The following SLC10A6 variants were observed in gnomAD, a reference collection of about 807,000 sequenced individuals.
SLC10A6 encodes the protein sodium-dependent organic anion transporter.
SLC10A6 carries 27 observed loss-of-function variants against 30.0 expected under a neutral mutation model. The observed-to-expected ratio is 0.90, with a 90% confidence interval of 0.66 to 1.24. The LOEUF is 1.24. Among genes scored for constraint, SLC10A6 ranks in the 50% most tolerant of loss-of-function variants. SLC10A6 has a pLI of 0.00. For missense variants in SLC10A6, 439 were observed against 457.0 expected, an observed-to-expected ratio of 0.96 and a Z score of 0.36; for synonymous variants, 166 against 173.8, an observed-to-expected ratio of 0.95 and a Z score of 0.36.
intron 2 of SLC10A6, among the ~76,000 whole-genome samples, chr4:86,832,499 C>T (rs1326146259): frequency 2.0e-5 from 3 of 151,310 alleles, no homozygotes; most frequent in Admixed American, 6.6e-5. Flanking sequence ...ACCAGCTACT[C>T]GGAAGGCTGA....
chr4:86,837,225 G>GAGAGAAAGAAAGAA (rs1553899172), intron 1 of SLC10A6, among the ~76,000 whole-genome samples: 9 of 39,134 alleles, frequency 2.3e-4, no homozygotes, highest in Admixed American at 7.4e-4. Flanking sequence ...GAGAGAGAGA[G>GAGAGAAAGAAAGAA]AGAAAGAAAG....
intron 3 of SLC10A6, among the ~76,000 whole-genome samples, chr4:86,828,876 A>G (rs1746038283): frequency 6.6e-6 from 1 of 152,174 alleles, no homozygotes; most frequent in Non-Finnish European, 1.5e-5. Context: ...TATTTTGGGA[A>G]AATCAGGATC....
chr4:86,846,155 G>A (rs958215611), intron 1 of SLC10A6, among the ~76,000 whole-genome samples: 5 of 152,180 alleles, frequency 3.3e-5, no homozygotes, highest in African/African-American at 4.8e-5. Flanking sequence ...CAATTATGAA[G>A]AAATGTAATT....
chr4:86,833,509 A>G, intron 1 of SLC10A6, 85 bp from the exon 2 acceptor site: 1 of 948,198 alleles, frequency 1.1e-6, no homozygotes, highest in Admixed American at 1.8e-5. Context: ...CCTAGGACAC[A>G]ATTTCCTAGA....
Position 86,828,028 on chromosome 4 carries a change from A to G in SLC10A6, c.726T>C (p.Phe242=). The change falls in exon 4 of 6, where the codon TTT becomes TTC. Residue 242 remains phenylalanine (F), a synonymous_variant. Transcript: ENST00000273905. The part of the protein sequence containing the change: ...IFPLIGHVTG[F]LLALFTHQSW... The stretch of plus-strand genomic sequence containing the variant: ...ACTGGTGGGTAAAAAGTGCCAGCAG[A>G]AAACCCGTGACATGGCCAATCAAAG... 6.2e-7 allele frequency: 1 copy of G among 1,613,988 alleles called. No individual in the cohort carries two copies.
In SLC10A6 at chr4:86,833,337, C is replaced by G. The variant is rs1035846277; in HGVS notation, c.465G>C (p.Gln155His). 7 of 1,613,980 alleles carry G rather than the reference C, an allele frequency of 4.3e-6. No individual in the cohort carries two copies. Among genetic ancestry groups the G allele is most frequent in the Non-Finnish European group, 5.9e-6 (7 of 1,179,960 alleles). Residue 155 changes from glutamine to histidine, a missense_variant, in exon 2 of 6, where the codon CAG (glutamine) becomes CAC (histidine). Physicochemically the swap from Gln to His is conservative, Grantham distance 24. Coordinates refer to ENST00000273905, the MANE Select transcript of SLC10A6 (RefSeq NM_197965.3). ...TCTGATAAGGAATGGTGAGATTCTG[C>G]TGAAGACTCCAGGACCAGGTGTAGA... ...IYLYTWSWSL[Q>H]QNLTIPYQNI...
chr4:86,828,886 CT>C (rs1465387272), intron 3 of SLC10A6, among the ~76,000 whole-genome samples: 2 of 152,224 alleles, frequency 1.3e-5, no homozygotes, highest in Admixed American at 6.5e-5. Context: ...AAATCAGGAT[CT>C]TGGCAAGCTC....
Position 86,825,582 on chromosome 4 carries a change from CA to C in SLC10A6, c.762-6del, listed in dbSNP as rs1472006281. On this transcript the variant is annotated splice_polypyrimidine_tract_variant and splice_region_variant and intron_variant, in intron 4 of 5. Coordinates refer to ENST00000273905, the MANE Select transcript of SLC10A6 (RefSeq NM_197965.3). Reference sequence around the variant, plus strand: ...TCTAAGGAAATTGTCCTGCACCTACCAAAAAGAAAATGTTTCAAGAGTAACG... The same window carrying C: ...TCTAAGGAAATTGTCCTGCACCTACCAAAAGAAAATGTTTCAAGAGTAACG... 6.4e-7 allele frequency: 1 copy of C among 1,574,582 alleles called. No homozygotes were observed. The highest frequency in any genetic ancestry group is 8.7e-7 in the Non-Finnish European group (1 of 1,149,922).
chr4:86,849,241 G>T lies in SLC10A6; in HGVS notation c.-126C>A. 8.5e-7 allele frequency: 1 copy of T among 1,171,726 alleles called. No homozygotes were observed. The highest frequency in any genetic ancestry group is 1.2e-6 in the Non-Finnish European group (1 of 833,374). The allele number at this position is 1,171,726 out of a possible 1,614,324, so 72.6% of individuals were successfully genotyped here. On this transcript the variant is annotated 5_prime_UTR_variant, in exon 1 of 6. Transcript: ENST00000273905. ...TGGAGAATCATTCCAATAACTGTTG[G>T]CCAGCAAGGTGATTCATCCTAATCT...
intron 2 of SLC10A6, among the ~76,000 whole-genome samples, chr4:86,832,089 A>G (rs1035089909): frequency 6.6e-6 from 1 of 152,230 alleles, no homozygotes; most frequent in African/African-American, 2.4e-5. Context: ...CTTTCAGAAC[A>G]TATTATCAAA....
chr4:86,836,898 C>T (rs1436743110), intron 1 of SLC10A6, among the ~76,000 whole-genome samples: 1 of 151,942 alleles, frequency 6.6e-6, no homozygotes, highest in Admixed American at 6.6e-5. Flanking sequence ...GCTGGGATTA[C>T]AGATGCCCAC....
At position 86,824,828 on chromosome 4, in the gene SLC10A6, G is replaced by A. The variant is rs796717193; in HGVS notation, c.919+592C>T. On this transcript the variant is annotated intron_variant, in intron 5 of 5. Coordinates refer to ENST00000273905, the MANE Select transcript of SLC10A6 (RefSeq NM_197965.3). Reference sequence around the variant, plus strand: ...TTGTAAGTGAGGTATTTGGTTTTCTGTTCTTGCATTATATATATTTTTAAA... The same window carrying A: ...TTGTAAGTGAGGTATTTGGTTTTCTATTCTTGCATTATATATATTTTTAAA... Among the ~76,000 whole-genome samples the A allele has an allele frequency of 1.3e-4, 19 of 151,880 alleles. 1 individual carries two copies. In the South Asian group the frequency reaches 3.7e-3, roughly 30 times the overall value.
intron 1 of SLC10A6, among the ~76,000 whole-genome samples, chr4:86,838,831 G>A (rs1269098113): frequency 6.7e-6 from 1 of 149,644 alleles, no homozygotes; most frequent in East Asian, 2.0e-4. Flanking sequence ...GCTGAGGCAG[G>A]AGAATTGCTT....
intron 1 of SLC10A6, among the ~76,000 whole-genome samples, chr4:86,836,443 C>T (rs1445171944): frequency 5.9e-5 from 9 of 152,096 alleles, no homozygotes; most frequent in Admixed American, 2.6e-4. Context: ...CACAATGAAT[C>T]CACCTTCATG....
At chr4:86,837,169 C>T (rs1245962652) in intron 1 of SLC10A6, among the ~76,000 whole-genome samples, 1 of 141,626 alleles carries the variant, frequency 7.1e-6, no homozygotes, top group East Asian at 2.1e-4. Flanking sequence ...TTGCTCTAAA[C>T]CAGGGAGAGG....
intron 3 of SLC10A6, among the ~76,000 whole-genome samples, chr4:86,829,385 T>C (rs575052627): frequency 2.0e-5 from 3 of 152,136 alleles, no homozygotes; most frequent in African/African-American, 7.2e-5. Context: ...CACTCCAGCC[T>C]GGGTGACAGA....
intron 3 of SLC10A6, among the ~76,000 whole-genome samples, chr4:86,831,414 A>G (rs747059099): frequency 2.0e-5 from 3 of 152,178 alleles, no homozygotes; most frequent in Non-Finnish European, 4.4e-5. Flanking sequence ...AACCAGCCAT[A>G]TTACTAAACA....
chr4:86,840,666 A>G (rs1746274794), intron 1 of SLC10A6, among the ~76,000 whole-genome samples: 1 of 152,210 alleles, frequency 6.6e-6, no homozygotes, highest in Non-Finnish European at 1.5e-5. Flanking sequence ...ATTTTCCACT[A>G]TACTGAAGTG....
At chr4:86,825,910 C>G (rs1033075875) in intron 4 of SLC10A6, among the ~76,000 whole-genome samples, 18 of 152,214 alleles carry the variant, frequency 1.2e-4, no homozygotes, top group Non-Finnish European at 2.4e-4. Context: ...GAAGGCTTCA[C>G]AGAGGAGTGG....
Sources: allele counts gnomAD v4.1 joint callset (sites outside exome capture counted in the v4.1 genomes callset), GRCh38; gene constraint gnomAD v4.1.1; transcripts MANE v1.5; gene names NCBI Gene and HGNC (gene_info 2026-07-23, HGNC 2026-07-21).